THSD4: variants seen among roughly 807,000 people sequenced by gnomAD.
THSD4 encodes the protein thrombospondin type-1 domain-containing protein 4.
Under a neutral mutation model 119.0 loss-of-function variants are expected in THSD4, and 69 were observed. The ratio of observed to expected loss-of-function variants is 0.58; its 90% CI spans 0.48 to 0.71. The LOEUF (loss-of-function observed/expected upper bound fraction) is 0.71, where lower values mean the gene tolerates loss of function less well. Among genes scored for constraint, THSD4 ranks in the 30% least tolerant of loss-of-function variants. THSD4 has a pLI of 0.00. For missense variants in THSD4, 1,393 were observed against 1,391.1 expected (o/e 1.00, Z -0.02); for synonymous variants, 524 against 540.4 (o/e 0.97, Z 0.42).
intron 3 of THSD4, among the ~76,000 whole-genome samples, chr15:71,158,228 A>G (rs998109694): frequency 7.3e-5 from 10 of 137,016 alleles, no homozygotes; most frequent in African/African-American, 2.8e-4. Flanking sequence ...ATCTCAGCTC[A>G]CTGCAACCTC....
At chr15:71,292,471 C>T (rs959802100) in intron 6 of THSD4, among the ~76,000 whole-genome samples, 12 of 151,936 alleles carry the variant, frequency 7.9e-5, no homozygotes, top group Non-Finnish European at 1.2e-4. Flanking sequence ...TTCCTATTTT[C>T]TGTTTTTATT....
chr15:71,692,751 C>T (rs1004788221), intron 8 of THSD4, among the ~76,000 whole-genome samples: 3 of 152,132 alleles, frequency 2.0e-5, no homozygotes, highest in Admixed American at 6.5e-5. Flanking sequence ...CTGCAGATGA[C>T]GTCTGCTGGC....
chr15:71,230,227 G>T (rs578143508), intron 4 of THSD4, among the ~76,000 whole-genome samples: 2 of 152,106 alleles, frequency 1.3e-5, no homozygotes, highest in South Asian at 2.1e-4. Flanking sequence ...TCTAACCCCC[G>T]TAGTCCTGGA....
intron 7 of THSD4, among the ~76,000 whole-genome samples, chr15:71,435,716 C>G (rs2047004323): frequency 1.3e-5 from 2 of 152,162 alleles, no homozygotes; most frequent in Non-Finnish European, 2.9e-5. Context: ...TGTAGCTGGT[C>G]TCCCTATGAG....
chr15:71,443,496 T>G (rs1251390890), intron 7 of THSD4, among the ~76,000 whole-genome samples: 2 of 152,242 alleles, frequency 1.3e-5, no homozygotes, highest in Non-Finnish European at 1.5e-5. Flanking sequence ...ACAGTGTATT[T>G]CTGAATTTAG....
intron 7 of THSD4, among the ~76,000 whole-genome samples, chr15:71,580,612 C>T (rs1007752400): frequency 2.0e-5 from 3 of 152,088 alleles, no homozygotes; most frequent in Non-Finnish European, 1.5e-5. Flanking sequence ...ACTTTGTACC[C>T]TTTGACTGAC....
chr15:71,370,047 A>G (rs1408691746), intron 6 of THSD4, among the ~76,000 whole-genome samples: 2 of 145,360 alleles, frequency 1.4e-5, no homozygotes, highest in Non-Finnish European at 1.6e-5. Context: ...CATTTCTTCT[A>G]GATTTTCTAG....
chr15:71,531,214 G>A (rs1436362690), intron 7 of THSD4, among the ~76,000 whole-genome samples: 1 of 152,150 alleles, frequency 6.6e-6, no homozygotes, highest in Non-Finnish European at 1.5e-5. Context: ...CCTGGCTAAG[G>A]ACTTCTTAAA....
intron 7 of THSD4, among the ~76,000 whole-genome samples, chr15:71,430,650 G>A (rs1457012240): frequency 2.0e-5 from 3 of 151,620 alleles, no homozygotes; most frequent in African/African-American, 4.8e-5. Flanking sequence ...CCAGCTACTC[G>A]GGAGGCTGAG....
intron 4 of THSD4, among the ~76,000 whole-genome samples, chr15:71,224,844 A>T (rs888095139): frequency 6.6e-6 from 1 of 152,168 alleles, no homozygotes; most frequent in African/African-American, 2.4e-5. Context: ...CCTTGTGATT[A>T]CACTGGACCC....
At chr15:71,155,383 T>A (rs73431405) in intron 3 of THSD4, among the ~76,000 whole-genome samples, 1,958 of 152,240 alleles carry the variant, frequency 0.013, 49 homozygotes, top group African/African-American at 0.045. Flanking sequence ...TGAGGAACTA[T>A]CCCTATGATC....
At chr15:71,119,816 G>GC (rs2040394234) in intron 1 of THSD4, among the ~76,000 whole-genome samples, 2 of 152,200 alleles carry the variant, frequency 1.3e-5, no homozygotes, top group South Asian at 4.1e-4. Context: ...ATGGGATCTG[G>GC]CCGTTGACAG....
chr15:71,728,298 AG>A (rs1358824148), intron 8 of THSD4, among the ~76,000 whole-genome samples: 1 of 151,884 alleles, frequency 6.6e-6, no homozygotes, highest in Non-Finnish European at 1.5e-5. Context: ...TCACCTAACC[AG>A]CCCCCACCCT....
chr15:71,150,770 C>T (rs566651185), intron 2 of THSD4, among the ~76,000 whole-genome samples: 1 of 152,266 alleles, frequency 6.6e-6, no homozygotes, highest in Admixed American at 6.5e-5. Flanking sequence ...TTATAAATCC[C>T]TCATAAAAGA....
chr15:71,103,481 T>TG (rs2040261825), intron 1 of THSD4, among the ~76,000 whole-genome samples: 1 of 152,184 alleles, frequency 6.6e-6, no homozygotes. Flanking sequence ...TCTGGCTCCT[T>TG]GGGGCCTCCC....
At chr15:71,680,307 T>C (rs1270448996) in intron 8 of THSD4, among the ~76,000 whole-genome samples, 2 of 152,202 alleles carry the variant, frequency 1.3e-5, no homozygotes, top group Non-Finnish European at 2.9e-5. Flanking sequence ...AAGGTCCCAA[T>C]CCAAACAGCA....
At chr15:71,462,839 T>C (rs894387394) in intron 7 of THSD4, among the ~76,000 whole-genome samples, 8 of 152,264 alleles carry the variant, frequency 5.3e-5, no homozygotes, top group African/African-American at 1.9e-4. Context: ...TTCATTTGTG[T>C]GACAAGTATT....
At chr15:71,280,547 T>A (rs746921400) in intron 6 of THSD4, among the ~76,000 whole-genome samples, 1 of 152,246 alleles carries the variant, frequency 6.6e-6, no homozygotes, top group Non-Finnish European at 1.5e-5. Flanking sequence ...CTTTTTCTGT[T>A]CCTGCACAGC....
upstream of THSD4, chr15:71,111,897 G>C: frequency 1.8e-6 from 1 of 555,884 alleles, no homozygotes; most frequent in East Asian, 3.0e-5. Context: ...TGTTTCGCTG[G>C]TAAAAGGATT....
Sources: gnomAD v4.1 joint callset for allele counts (sites outside exome capture counted in the v4.1 genomes callset) on GRCh38, gnomAD v4.1.1 for gene constraint, MANE v1.5 for transcripts, NCBI Gene and HGNC (gene_info 2026-07-23, HGNC 2026-07-21) for gene names.